Variants in ZNF277 observed in about 807,000 individuals in gnomAD.
The protein encoded by ZNF277 is zinc finger protein 277, also known as nuclear receptor-interacting factor 4.
ZNF277 carries 55 observed loss-of-function variants against 60.7 expected under a neutral mutation model. The ratio of observed to expected loss-of-function variants is 0.91; its 90% CI spans 0.73 to 1.13. ZNF277 has a LOEUF of 1.13. ZNF277 is among the 50% of genes most tolerant of loss of function. ZNF277 has a pLI of 0.00. For synonymous variants in ZNF277, 178 were observed against 179.3 expected, an observed-to-expected ratio of 0.99 and a Z score of 0.06; for missense variants, 510 against 523.0, an observed-to-expected ratio of 0.98 and a Z score of 0.24.
chr7:112,316,355 G>A (rs1792843980), intron 4 of ZNF277, among the ~76,000 whole-genome samples: 1 of 151,938 alleles, frequency 6.6e-6, no homozygotes, highest in Non-Finnish European at 1.5e-5. Context: ...CTGTATAAGT[G>A]TCCTCTTTTG....
rs200463607 is a variant in ZNF277, at chr7:112,210,668, C to T, written c.91+3861C>T. 1.6e-4 allele frequency among the ~76,000 whole-genome samples: 24 copies of T among 151,970 alleles called. 1 individual carries two copies. In the East Asian group the frequency reaches 3.3e-3, roughly 21 times the overall value. On this transcript the variant is annotated intron_variant, in intron 1 of 11. Transcript: ENST00000361822. ...TATATTTTTAGTAGAGACAGAGTTT[C>T]GCCATCTAGGCCAGGCTGGTCTCAA...
At chr7:112,322,730 T>A (rs1793011219) in intron 5 of ZNF277, among the ~76,000 whole-genome samples, 1 of 152,084 alleles carries the variant, frequency 6.6e-6, no homozygotes, top group Admixed American at 6.6e-5. Flanking sequence ...TCAGGGGTGA[T>A]TTCTGTTTCT....
rs188503625 is a variant in ZNF277 at position 112,340,583 on chromosome 7, C to A, written c.1010-289C>A. On this transcript the variant is annotated intron_variant, in intron 10 of 11. Coordinates refer to ENST00000361822, the MANE Select transcript of ZNF277 (RefSeq NM_021994.3). ...GCTTTGCAGCTGACAGCTATCTATG[C>A]GATGCTAGGCAGTTTCCTAATATGT... Among the ~76,000 whole-genome samples the A allele has an allele frequency of 1.6e-3, 244 of 152,224 alleles. 1 individual carries two copies. Among genetic ancestry groups the A allele is most frequent in the Non-Finnish European group, 2.4e-3 (165 of 67,992 alleles).
intron 5 of ZNF277, among the ~76,000 whole-genome samples, chr7:112,326,477 G>C (rs1793095339): frequency 6.6e-6 from 1 of 152,086 alleles, no homozygotes; most frequent in Admixed American, 6.6e-5. Flanking sequence ...GGAACCCCTG[G>C]AAAGGTCTAG....
At chr7:112,338,044 C>A (rs971594766) in intron 9 of ZNF277, among the ~76,000 whole-genome samples, 4 of 152,148 alleles carry the variant, frequency 2.6e-5, no homozygotes, top group Admixed American at 1.3e-4. Flanking sequence ...TTTCTCAGAC[C>A]ACTGATGCCA....
chr7:112,217,723 G>A (rs927080120), intron 1 of ZNF277, among the ~76,000 whole-genome samples: 1 of 152,156 alleles, frequency 6.6e-6, no homozygotes, highest in Non-Finnish European at 1.5e-5. Flanking sequence ...TTAACCACCA[G>A]ATTAAAAATT....
In ZNF277 at chr7:112,327,617, A is replaced by C. The variant is rs35267181; in HGVS notation, c.558-100A>C. 8.1e-4 allele frequency: 650 copies of C among 801,552 alleles called. 8 individuals are homozygous for C. The highest frequency in any genetic ancestry group is 7.4e-3 in the Middle Eastern group (29 of 3,918). 49.7% of individuals were successfully genotyped at this position (801,552 alleles called of 1,614,324 possible). ...TTGTGTTAGTGCTTAGCACTTGCTT[A>C]TACCTCTAATTAGTGTTTTTATTAT... On this transcript the variant is annotated intron_variant, in intron 5 of 11. Transcript: ENST00000361822.
chr7:112,286,836 TC>T (rs1584378670), intron 1 of ZNF277, 36 bp from the exon 2 acceptor site: 2 of 1,417,374 alleles, frequency 1.4e-6, no homozygotes, highest in Non-Finnish European at 1.9e-6. Context: ...AGCTTTTCTT[TC>T]TTTCTTTTTT....
chr7:112,225,386 T>C (rs1325608920), intron 1 of ZNF277, among the ~76,000 whole-genome samples: 1 of 152,256 alleles, frequency 6.6e-6, no homozygotes, highest in Non-Finnish European at 1.5e-5. Flanking sequence ...TTCTCAAGTA[T>C]AAAGTAATAA....
intron 1 of ZNF277, among the ~76,000 whole-genome samples, chr7:112,207,581 A>G (rs1821574121): frequency 1.3e-5 from 2 of 152,218 alleles, no homozygotes; most frequent in Admixed American, 1.3e-4. Flanking sequence ...ATAAAAAACC[A>G]AATTTTGAAA....
In ZNF277 at chr7:112,257,901, A is replaced by T. The variant is rs190322624; in HGVS notation, c.92-28972A>T. Among the ~76,000 whole-genome samples, 306 of 152,066 alleles carry T rather than the reference A, an allele frequency of 2.0e-3. 1 individual carries two copies. The highest frequency in any genetic ancestry group is 7.0e-3 in the African/African-American group (291 of 41,498). ...CATTCGTAACTCACAGCAACCCCGA[A>T]CTCCTAGGCTCAAGTGATCATCCAG... On this transcript the variant is annotated intron_variant, in intron 1 of 11. Transcript: ENST00000361822.
intron 1 of ZNF277, among the ~76,000 whole-genome samples, chr7:112,281,490 A>G (rs980247111): frequency 4.6e-5 from 7 of 152,244 alleles, no homozygotes; most frequent in South Asian, 2.1e-4. Context: ...CTAATTTAAT[A>G]TAACATACTT....
intron 1 of ZNF277, among the ~76,000 whole-genome samples, chr7:112,213,950 T>C (rs549592562): frequency 1.3e-5 from 2 of 152,336 alleles, no homozygotes; most frequent in African/African-American, 4.8e-5. Flanking sequence ...GATATAATAG[T>C]CTGGTCTTCA....
In ZNF277 at chr7:112,336,160, C is replaced by T. The variant is rs765796261; in HGVS notation, c.858C>T (p.Asp286=). ...VQLEDDRELL[D]HQEDDWSDWE... is the part of the protein sequence containing the mutation. ...TGGAAGATGATCGGGAGTTGCTGGA[C>T]CATCAGGAAGAGTAAGAGTTGTTAT... Residue 286 remains aspartate (D), a synonymous_variant, in exon 8 of 12, where the codon GAC becomes GAT. Coordinates refer to ENST00000361822, the MANE Select transcript of ZNF277 (RefSeq NM_021994.3). The T allele has an allele frequency of 1.9e-6, 3 of 1,610,210 alleles. No individual in the cohort carries two copies.
chr7:112,246,342 C>A (rs1036094457), intron 1 of ZNF277, among the ~76,000 whole-genome samples: 1 of 152,068 alleles, frequency 6.6e-6, no homozygotes, highest in African/African-American at 2.4e-5. Context: ...TGCAGTGAGC[C>A]GTGATCATGC....
chr7:112,270,269 C>T (rs960447809), intron 1 of ZNF277, among the ~76,000 whole-genome samples: 1 of 152,090 alleles, frequency 6.6e-6, no homozygotes, highest in Non-Finnish European at 1.5e-5. Context: ...TCAGTTTCAT[C>T]AAAATTAAAT....
At chr7:112,282,884 T>G (rs1791979729) in intron 1 of ZNF277, among the ~76,000 whole-genome samples, 1 of 152,210 alleles carries the variant, frequency 6.6e-6, no homozygotes, top group African/African-American at 2.4e-5. Flanking sequence ...CCTTCATCTG[T>G]AAAACAGAGA....
At chr7:112,237,442 TAAA>T (rs374259197) in intron 1 of ZNF277, among the ~76,000 whole-genome samples, 194 of 151,180 alleles carry the variant, frequency 1.3e-3, no homozygotes, top group African/African-American at 4.4e-3. Context: ...TAAAAAAAGA[TAAA>T]GAAAATTCAT....
At chr7:112,323,232 G>T (rs1793024785) in intron 5 of ZNF277, among the ~76,000 whole-genome samples, 1 of 152,182 alleles carries the variant, frequency 6.6e-6, no homozygotes, top group Non-Finnish European at 1.5e-5. Flanking sequence ...TAGATCCCCA[G>T]GAAAATGTCA....
Sources: gnomAD v4.1 joint callset for allele counts (sites outside exome capture counted in the v4.1 genomes callset) on GRCh38, gnomAD v4.1.1 for gene constraint, MANE v1.5 for transcripts, NCBI Gene and HGNC (gene_info 2026-07-23, HGNC 2026-07-21) for gene names.